The following BAIAP2 variants were observed in gnomAD, a reference collection of about 807,000 sequenced individuals.
BAIAP2 encodes BAR/IMD domain-containing adapter protein 2.
In BAIAP2, 18 loss-of-function variants were observed where a neutral mutation model predicts 63.0. The ratio of observed to expected loss-of-function variants is 0.29; its 90% confidence interval spans 0.20 to 0.42. BAIAP2 has a LOEUF of 0.42. Ranked by LOEUF, BAIAP2 falls within the 10% of genes least tolerant of loss-of-function variation. The pLI is 1.00. For missense variants in BAIAP2, 610 were observed against 734.3 expected, an observed-to-expected ratio of 0.83 and a Z score of 1.96; for synonymous variants, 386 against 307.6, an observed-to-expected ratio of 1.25 and a Z score of -2.67.
At chr17:81,068,564 C>T (rs979072830) in intron 3 of BAIAP2, among the ~76,000 whole-genome samples, 4 of 152,216 alleles carry the variant, frequency 2.6e-5, no homozygotes, top group Non-Finnish European at 5.9e-5. Flanking sequence ...ACAAAGCCCA[C>T]GACCCAAGGA....
At chr17:81,059,969 A>G (rs749127812) in intron 3 of BAIAP2, among the ~76,000 whole-genome samples, 3 of 152,182 alleles carry the variant, frequency 2.0e-5, no homozygotes, top group Non-Finnish European at 4.4e-5. Context: ...CTGAGCCCAC[A>G]TGGGCACAAG....
intron 2 of BAIAP2, 142 bp from the exon 3 acceptor site, chr17:81,057,739 T>G: frequency 7.1e-7 from 1 of 1,411,686 alleles, no homozygotes; most frequent in Non-Finnish European, 9.2e-7. Flanking sequence ...AACCCAGAAA[T>G]CACAGCGAGT....
At chr17:81,066,191 A>T (rs1476411157) in intron 3 of BAIAP2, among the ~76,000 whole-genome samples, 1 of 152,144 alleles carries the variant, frequency 6.6e-6, no homozygotes, top group Non-Finnish European at 1.5e-5. Flanking sequence ...TGGTGCCCAC[A>T]GCATGCTTGT....
chr17:81,045,890 G>C (rs868269047), intron 1 of BAIAP2, among the ~76,000 whole-genome samples: 9 of 152,280 alleles, frequency 5.9e-5, no homozygotes, highest in Middle Eastern at 3.4e-3. Flanking sequence ...GGAAGGGTGG[G>C]GGACCAGCCC....
At chr17:81,071,186 A>C (rs2052584949) in intron 3 of BAIAP2, among the ~76,000 whole-genome samples, 3 of 151,704 alleles carry the variant, frequency 2.0e-5, no homozygotes. Flanking sequence ...TGCTTCTCCC[A>C]AGGAGAAGCT....
chr17:81,108,693 C>A (rs1033687936), intron 13 of BAIAP2, 184 bp downstream of exon 13: 7 of 856,926 alleles, frequency 8.2e-6, no homozygotes, highest in African/African-American at 3.4e-5. Flanking sequence ...GACACGGGAA[C>A]CCCCCTGGGC....
At chr17:81,109,216 C>T in intron 13 of BAIAP2, 2 of 1,392,782 alleles carry the variant, frequency 1.4e-6, no homozygotes, top group Non-Finnish European at 1.9e-6. Flanking sequence ...CGCGCCCCAT[C>T]CTGTGTGTCC....
intron 3 of BAIAP2, among the ~76,000 whole-genome samples, chr17:81,065,153 G>A (rs2144610486): frequency 6.6e-6 from 1 of 152,316 alleles, no homozygotes; most frequent in Non-Finnish European, 1.5e-5. Flanking sequence ...TGGCAGCTCG[G>A]GGAGACTGGA....
chr17:81,057,762 C>G (rs535938756), intron 2 of BAIAP2, 119 bp from the exon 3 acceptor site: 1 of 1,424,188 alleles, frequency 7.0e-7, no homozygotes, highest in Non-Finnish European at 9.2e-7. Flanking sequence ...AGTATTCTCC[C>G]AGCTTGTCTG....
intron 1 of BAIAP2, chr17:81,053,317 C>T (rs1026859564): frequency 1.7e-4 from 44 of 258,834 alleles, no homozygotes; most frequent in African/African-American, 5.9e-4. Flanking sequence ...CTGACTCAGC[C>T]GCGCCAATGG....
chr17:81,108,513 A>AGG lies in BAIAP2; in HGVS notation c.1535+7_1535+8dup. The AGG allele has an allele frequency of 6.2e-7, 1 of 1,613,834 alleles. No individual in the cohort carries two copies. Among genetic ancestry groups the AGG allele is most frequent in the Non-Finnish European group, 8.5e-7 (1 of 1,179,984 alleles). Reference sequence around the variant, plus strand: ...ATGGAGCGCGGTCCATGAGCAGGTAAGGGGACTTTCAGACCTGTCTTTGGG... The same window carrying AGG: ...ATGGAGCGCGGTCCATGAGCAGGTAAGGGGGGACTTTCAGACCTGTCTTTGGG... On this transcript the variant is annotated splice_donor_region_variant and intron_variant, in intron 13 of 13. Coordinates refer to ENST00000428708, the MANE Select transcript of BAIAP2 (RefSeq NM_001144888.2).
At chr17:81,098,233 TG>T in intron 6 of BAIAP2, 1 of 1,284,948 alleles carries the variant, frequency 7.8e-7, no homozygotes, top group Non-Finnish European at 9.9e-7. Flanking sequence ...ATGGGCAGGC[TG>T]GGAGGCGCCT....
chr17:81,071,065 A>AC (rs2052546861), intron 3 of BAIAP2, among the ~76,000 whole-genome samples: 1 of 150,732 alleles, frequency 6.6e-6, no homozygotes, highest in African/African-American at 2.4e-5. Flanking sequence ...AAGCAGCGTC[A>AC]GCTACCGTCA....
intron 1 of BAIAP2, among the ~76,000 whole-genome samples, chr17:81,050,708 A>G (rs2048528269): frequency 1.2e-5 from 1 of 82,474 alleles, no homozygotes; most frequent in Admixed American, 1.1e-4. Context: ...GCTGCAGCTC[A>G]GCACACACAC....
At position 81,116,077 on chromosome 17, in the gene BAIAP2, C is replaced by T. The variant is rs770260960; in HGVS notation, c.*238C>T. The T allele has an allele frequency of 1.0e-4, 149 of 1,483,376 alleles. No individual in the cohort carries two copies. The highest frequency in any genetic ancestry group is 1.3e-4 in the African/African-American group (9 of 71,622). 91.9% of individuals were successfully genotyped at this position (1,483,376 alleles called of 1,614,324 possible). On this transcript the variant is annotated 3_prime_UTR_variant, in exon 14 of 14. Transcript: ENST00000428708. The stretch of plus-strand genomic sequence containing the variant: ...GCTGGGCTGCCCAGGGCTGAGGGGC[C>T]GCCTCTTGAGGGTACACGCCTCTGG...
intron 6 of BAIAP2, among the ~76,000 whole-genome samples, chr17:81,093,061 G>A (rs1008569345): frequency 1.3e-5 from 2 of 150,802 alleles, no homozygotes; most frequent in Non-Finnish European, 2.9e-5. Flanking sequence ...GGTGGGAGGC[G>A]AGTGGCCCAC....
intron 3 of BAIAP2, among the ~76,000 whole-genome samples, chr17:81,072,891 G>T (rs1017582759): frequency 2.6e-5 from 4 of 152,056 alleles, no homozygotes; most frequent in Non-Finnish European, 4.4e-5. Context: ...GGACCTCATT[G>T]TCTGTGGTCA....
rs532438694 is a variant in BAIAP2, at chr17:81,068,809, T to C, written c.217+10842T>C. Among the ~76,000 whole-genome samples, 214 of 152,286 alleles carry C rather than the reference T, an allele frequency of 1.4e-3. 4 individuals are homozygous for C. In the South Asian group the frequency reaches 0.041, roughly 29 times the overall value. ...TCTCAGGATGGGGGGCCATATCTGG[T>C]TGCCAGTGTCTCTGTCCAGCCTTGC... On this transcript the variant is annotated intron_variant, in intron 3 of 13. Coordinates refer to ENST00000428708, the MANE Select transcript of BAIAP2 (RefSeq NM_001144888.2).
intron 2 of BAIAP2, among the ~76,000 whole-genome samples, chr17:81,055,638 TC>T (rs2049411255): frequency 7.0e-6 from 1 of 143,586 alleles, no homozygotes; most frequent in African/African-American, 2.6e-5. Flanking sequence ...CTATCTTGGC[TC>T]CCTGCAAACT....
Sources: gnomAD v4.1 joint callset for allele counts (sites outside exome capture counted in the v4.1 genomes callset) on GRCh38, gnomAD v4.1.1 for gene constraint, MANE v1.5 for transcripts, NCBI Gene and HGNC (gene_info 2026-07-23, HGNC 2026-07-21) for gene names.